Variants in CLCN6 observed in about 807,000 individuals in gnomAD.
CLCN6 encodes H(+)/Cl(-) exchange transporter 6.
Under a neutral mutation model 109.8 loss-of-function variants are expected in CLCN6, and 70 were observed. The ratio of observed to expected loss-of-function variants is 0.64; its 90% CI spans 0.53 to 0.78. The LOEUF (loss-of-function observed/expected upper bound fraction) is 0.78. CLCN6 is among the 30% of genes least tolerant of loss of function. The pLI is 0.00. For synonymous variants in CLCN6, 444 were observed against 447.8 expected (o/e 0.99, Z 0.11); for missense variants, 984 against 1,142.3 (o/e 0.86, Z 2.00).
chr1:11,835,045 G>A (rs1233718452), intron 17 of CLCN6, among the ~76,000 whole-genome samples: 2 of 152,230 alleles, frequency 1.3e-5, no homozygotes, highest in South Asian at 2.1e-4. Flanking sequence ...CCTGTGTCTA[G>A]ATAGCAGGCA....
At position 11,823,758 on chromosome 1, in the gene CLCN6, G is replaced by T; in HGVS notation, c.505G>T (p.Val169Leu). 1 of 1,614,286 alleles carries T rather than the reference G, an allele frequency of 6.2e-7. No individual in the cohort carries two copies. Among genetic ancestry groups the T allele is most frequent in the Non-Finnish European group, 8.5e-7 (1 of 1,180,056 alleles). ...IPEVKCYLNG[V>L]KVPGIVRLRT... ...CGAGGTCAAATGCTATCTGAATGGCGTAAAGGTGCCAGGAATCGTCCGTCT... is the reference window on the plus strand; with the variant it reads ...CGAGGTCAAATGCTATCTGAATGGCTTAAAGGTGCCAGGAATCGTCCGTCT... The change falls in exon 7 of 23, where the codon GTA becomes TTA. Residue 169 changes from valine to leucine, a missense_variant. Transcript: ENST00000346436.
At chr1:11,808,182 TCTC>T (rs1057054894) in intron 2 of CLCN6, among the ~76,000 whole-genome samples, 21 of 151,546 alleles carry the variant, frequency 1.4e-4, no homozygotes, top group Non-Finnish European at 1.8e-4. Flanking sequence ...GTTATCCACT[TCTC>T]CTTTCTCATA....
At chr1:11,808,507 C>T (rs1404588603) in intron 2 of CLCN6, among the ~76,000 whole-genome samples, 1 of 152,152 alleles carries the variant, frequency 6.6e-6, no homozygotes, top group East Asian at 1.9e-4. Context: ...AATACTATTA[C>T]CACATCTAAA....
At chr1:11,827,496 C>G (rs1487441790) in intron 10 of CLCN6, among the ~76,000 whole-genome samples, 1 of 141,492 alleles carries the variant, frequency 7.1e-6, no homozygotes, top group African/African-American at 2.7e-5. Flanking sequence ...AGGGCAGTGA[C>G]GCGATCTCGG....
chr1:11,838,899 C>G, intron 22 of CLCN6: 1 of 722,474 alleles, frequency 1.4e-6, no homozygotes, highest in South Asian at 1.5e-5. Flanking sequence ...CGCGCCTCTA[C>G]CAGGCTGTGT....
intron 2 of CLCN6, among the ~76,000 whole-genome samples, chr1:11,809,596 T>G (rs145641960): frequency 0.098 from 14,939 of 152,094 alleles, 785 homozygotes; most frequent in South Asian, 0.16. Context: ...TAGCTGGGAC[T>G]ACATGCATAC....
intron 10 of CLCN6, 61 bp downstream of exon 10, chr1:11,827,282 T>C (rs1201707163): frequency 2.0e-6 from 3 of 1,538,332 alleles, no homozygotes; most frequent in Non-Finnish European, 2.6e-6. Context: ...GGGTGTCCCT[T>C]ACTCGGTACA....
chr1:11,822,856 C>A, intron 6 of CLCN6, 55 bp downstream of exon 6: 2 of 1,076,562 alleles, frequency 1.9e-6, no homozygotes, highest in Non-Finnish European at 2.9e-6. Flanking sequence ...TCCCGCACTC[C>A]TTTTCCCCAC....
At chr1:11,814,605 A>AAAC (rs1315360011) in intron 2 of CLCN6, among the ~76,000 whole-genome samples, 2 of 152,184 alleles carry the variant, frequency 1.3e-5, no homozygotes, top group East Asian at 3.9e-4. Flanking sequence ...TTGTTTCTCT[A>AAAC]AATGTCTGTG....
At chr1:11,818,335 A>AT (rs1644700135) in intron 4 of CLCN6, among the ~76,000 whole-genome samples, 2 of 151,784 alleles carry the variant, frequency 1.3e-5, no homozygotes, top group East Asian at 3.9e-4. Context: ...TGCTGACACG[A>AT]TTCTCAGGAA....
In CLCN6 at chr1:11,816,219, A is replaced by G. The variant is rs140624960; in HGVS notation, c.213+308A>G. On this transcript the variant is annotated intron_variant, in intron 3 of 22. Transcript: ENST00000346436. Reference sequence around the variant, plus strand: ...AGGTAGGTACATTTTTGTAGGCATAATGCTATTACACACTTTATAGACCTC... The same window carrying G: ...AGGTAGGTACATTTTTGTAGGCATAGTGCTATTACACACTTTATAGACCTC... Among the ~76,000 whole-genome samples the G allele has an allele frequency of 5.4e-3, 816 of 152,344 alleles. 10 individuals are homozygous for G. The highest frequency in any genetic ancestry group is 0.019 in the African/African-American group (789 of 41,564).
chr1:11,819,486 A>C lies in CLCN6; in HGVS notation c.280-2A>C. The C allele has an allele frequency of 6.2e-7, 1 of 1,613,986 alleles. No homozygotes were observed. Among genetic ancestry groups the C allele is most frequent in the Non-Finnish European group, 8.5e-7 (1 of 1,179,832 alleles). On this transcript the variant is annotated splice_acceptor_variant, in intron 4 of 22. Transcript: ENST00000346436. LOFTEE classifies it high-confidence loss of function. Reference sequence around the variant, plus strand: ...GTGTGACAGATCTCTTGCTCTTCACAGGTGGGTCTCTTTGTGGACTTTTTT... The same window carrying C: ...GTGTGACAGATCTCTTGCTCTTCACCGGTGGGTCTCTTTGTGGACTTTTTT...
intron 4 of CLCN6, among the ~76,000 whole-genome samples, 189 bp from the exon 5 acceptor site, chr1:11,819,299 G>T (rs1208846561): frequency 1.3e-5 from 2 of 151,762 alleles, no homozygotes; most frequent in Non-Finnish European, 3.0e-5. Context: ...TGGAGGGGCA[G>T]TGGGACTGGG....
rs527244870 is a variant in CLCN6, at chr1:11,816,086, G to A, written c.213+175G>A. The A allele has an allele frequency of 2.8e-5, 16 of 576,944 alleles. No homozygotes were observed. The East Asian group carries it at 4.8e-4, about 17-fold the overall frequency. The allele number at this position is 576,944 out of a possible 1,614,324, so 35.7% of individuals were successfully genotyped here. A position where few individuals can be genotyped will look rare whatever the true frequency, so the allele number is the denominator to read the frequency against. On this transcript the variant is annotated intron_variant, in intron 3 of 22. Transcript: ENST00000346436. ...TTTATTTCACCTCGCAGGTACTGCA[G>A]GTTTTACAAACTGGAGGTTGGTGGC...
chr1:11,815,983 G>A (rs1166781934), intron 3 of CLCN6, 72 bp downstream of exon 3: 4 of 1,151,494 alleles, frequency 3.5e-6, no homozygotes, highest in East Asian at 2.3e-5. Context: ...TCTTCTAAAG[G>A]CCCCAGTAAA....
intron 2 of CLCN6, 48 bp from the exon 3 acceptor site, chr1:11,815,798 G>GT: frequency 2.0e-6 from 3 of 1,469,842 alleles, no homozygotes; most frequent in Non-Finnish European, 2.9e-6. Flanking sequence ...CCCTTTGCAG[G>GT]TCTTCTCACC....
At position 11,840,312 on chromosome 1, in the gene CLCN6, AT is replaced by A; in HGVS notation, c.*90del. ...CAGCTGGCTGGGGCTGTTCCGGGGC[AT>A]GGAAGATTCCCAGTCACCCACTCAC... On this transcript the variant is annotated 3_prime_UTR_variant, in exon 23 of 23. Coordinates refer to ENST00000346436, the MANE Select transcript of CLCN6 (RefSeq NM_001286.5). 2 of 1,158,834 alleles carry A rather than the reference AT, an allele frequency of 1.7e-6. No homozygotes were observed. The highest frequency in any genetic ancestry group is 1.3e-6 in the Non-Finnish European group (1 of 777,488). The allele number at this position is 1,158,834 out of a possible 1,614,324, so 71.8% of individuals were successfully genotyped here. A position where few individuals can be genotyped will look rare whatever the true frequency, so the allele number is the denominator to read the frequency against.
chr1:11,824,723 G>A (rs1335270143), intron 8 of CLCN6, among the ~76,000 whole-genome samples, 170 bp downstream of exon 8: 1 of 152,172 alleles, frequency 6.6e-6, no homozygotes, highest in Non-Finnish European at 1.5e-5. Context: ...ACTTATACTT[G>A]GAAGTTTTAA....
intron 2 of CLCN6, among the ~76,000 whole-genome samples, chr1:11,808,285 A>C (rs1029479394): frequency 1.3e-5 from 2 of 149,088 alleles, no homozygotes; most frequent in Non-Finnish European, 3.0e-5. Context: ...AAGTAAAGAC[A>C]GTCTCCCTAT....
Sources: gnomAD v4.1 joint callset for allele counts (sites outside exome capture counted in the v4.1 genomes callset) on GRCh38, gnomAD v4.1.1 for gene constraint, MANE v1.5 for transcripts, NCBI Gene and HGNC (gene_info 2026-07-23, HGNC 2026-07-21) for gene names.